DGKB: variants seen among roughly 807,000 people sequenced by gnomAD.
DGKB encodes the protein diacylglycerol kinase beta, also known as 90 kDa diacylglycerol kinase.
A neutral mutation model predicts 114.3 loss-of-function variants in DGKB; 67 were observed. The ratio of observed to expected loss-of-function variants is 0.59; its 90% CI spans 0.48 to 0.72. DGKB has a LOEUF of 0.72. DGKB is among the 30% of genes least tolerant of loss of function. The pLI, the probability that DGKB is intolerant of heterozygous loss-of-function variation, is 0.00. For synonymous variants in DGKB, 398 were observed against 323.1 expected, an observed-to-expected ratio of 1.23 and a Z score of -2.49; for missense variants, 907 against 975.2, an observed-to-expected ratio of 0.93 and a Z score of 0.93.
chr7:14,523,375 T>C (rs1584555339), intron 20 of DGKB, among the ~76,000 whole-genome samples: 2 of 152,302 alleles, frequency 1.3e-5, no homozygotes, highest in Middle Eastern at 6.8e-3. Flanking sequence ...CAATAGCTGG[T>C]ATGAGCCATA....
At chr7:14,245,203 T>C (rs972300610) in intron 23 of DGKB, among the ~76,000 whole-genome samples, 2 of 151,938 alleles carry the variant, frequency 1.3e-5, no homozygotes, top group Non-Finnish European at 2.9e-5. Flanking sequence ...ACACACACTG[T>C]GCTAAACTTT....
chr7:14,656,179 G>T (rs1466988702), intron 13 of DGKB, among the ~76,000 whole-genome samples: 1 of 151,556 alleles, frequency 6.6e-6, no homozygotes, highest in Non-Finnish European at 1.5e-5. Flanking sequence ...TATAGATAAA[G>T]TGAAGGAAAC....
intron 21 of DGKB, among the ~76,000 whole-genome samples, chr7:14,423,870 C>G (rs1320260006): frequency 6.6e-6 from 1 of 152,056 alleles, no homozygotes; most frequent in Non-Finnish European, 1.5e-5. Context: ...TAAATGGTAA[C>G]TCTATTCTTG....
At chr7:14,814,042 T>C (rs866258366) in intron 2 of DGKB, 2 of 152,222 alleles carry the variant, frequency 1.3e-5, no homozygotes, top group Non-Finnish European at 2.9e-5. Context: ...TTTTAGTTTA[T>C]TTTCTAGTTG....
At chr7:14,899,416 A>G (rs1390577825) in intron 1 of DGKB, among the ~76,000 whole-genome samples, 1 of 152,088 alleles carries the variant, frequency 6.6e-6, no homozygotes, top group Non-Finnish European at 1.5e-5. Flanking sequence ...AGATGTTTTG[A>G]GTCTGCACTT....
At chr7:14,454,931 C>G (rs916598808) in intron 21 of DGKB, among the ~76,000 whole-genome samples, 1 of 152,002 alleles carries the variant, frequency 6.6e-6, no homozygotes, top group African/African-American at 2.4e-5. Flanking sequence ...ATGGATGCTA[C>G]TAAATTCTAA....
intron 2 of DGKB, among the ~76,000 whole-genome samples, chr7:14,791,215 T>C: frequency 6.6e-6 from 1 of 152,174 alleles, no homozygotes; most frequent in East Asian, 1.9e-4. Context: ...TAAATGATAT[T>C]GTATTTTGAA....
At chr7:14,261,519 G>C (rs141027305) in intron 23 of DGKB, among the ~76,000 whole-genome samples, 12 of 152,196 alleles carry the variant, frequency 7.9e-5, no homozygotes, top group African/African-American at 2.9e-4. Context: ...AACACCTAAA[G>C]TTGATATTTT....
chr7:14,754,173 A>G (rs1208405208), intron 3 of DGKB, among the ~76,000 whole-genome samples: 1 of 152,142 alleles, frequency 6.6e-6, no homozygotes, highest in African/African-American at 2.4e-5. Context: ...GAAACACTGA[A>G]TCTAAAACTG....
chr7:14,862,323 G>A (rs781122521), intron 1 of DGKB, among the ~76,000 whole-genome samples: 1 of 151,972 alleles, frequency 6.6e-6, no homozygotes, highest in African/African-American at 2.4e-5. Flanking sequence ...GACACTAAAT[G>A]TTACCCTCTT....
At chr7:14,636,256 T>C (rs1055827276) in intron 13 of DGKB, among the ~76,000 whole-genome samples, 3 of 151,792 alleles carry the variant, frequency 2.0e-5, no homozygotes, top group African/African-American at 4.8e-5. Flanking sequence ...TTCTGAGTTA[T>C]AGACTCTTTT....
intron 9 of DGKB, among the ~76,000 whole-genome samples, chr7:14,693,591 T>G (rs1479017066): frequency 2.7e-5 from 4 of 150,554 alleles, no homozygotes; most frequent in Non-Finnish European, 4.4e-5. Context: ...TTAAAGGTAA[T>G]GGCAGAAAAC....
At chr7:14,223,229 C>T (rs921183782) in intron 23 of DGKB, among the ~76,000 whole-genome samples, 2 of 151,482 alleles carry the variant, frequency 1.3e-5, no homozygotes, top group African/African-American at 4.8e-5. Flanking sequence ...CTTTCTTTTG[C>T]ATTTAGTATT....
At chr7:14,212,090 T>TTTTA (rs1554289685) in intron 23 of DGKB, among the ~76,000 whole-genome samples, 1 of 1,598 alleles carries the variant, frequency 6.3e-4, no homozygotes, top group Non-Finnish European at 1.2e-3. Context: ...TGTTTTGTGA[T>TTTTA]TTTACTCTCA....
chr7:14,265,133 G>A lies in DGKB; in HGVS notation c.2122+73382C>T, dbSNP rs1797299873. Among the ~76,000 whole-genome samples the A allele has an allele frequency of 3.5e-5, 4 of 112,886 alleles. No individual in the cohort carries two copies. The South Asian group carries it at 1.3e-3, about 36-fold the overall frequency. 74.1% of individuals were successfully genotyped at this position (112,886 alleles called of 152,430 possible). A position where few individuals can be genotyped will look rare whatever the true frequency, so the allele number is the denominator to read the frequency against. On this transcript the variant is annotated intron_variant, in intron 23 of 25. Transcript: ENST00000402815. ...ATCTTAATCTTCCTGTCTCCAATCC[G>A]GAGATCATTTTTTTTTTTTTCACCT...
chr7:14,914,825 A>G (rs1784161974), intron 1 of DGKB, among the ~76,000 whole-genome samples: 1 of 135,554 alleles, frequency 7.4e-6, no homozygotes, highest in Non-Finnish European at 1.5e-5. Context: ...AAGAATCAAA[A>G]GGAAATGCTA....
chr7:14,925,186 T>G (rs1396117289), intron 1 of DGKB, among the ~76,000 whole-genome samples: 1 of 152,216 alleles, frequency 6.6e-6, no homozygotes, highest in African/African-American at 2.4e-5. Flanking sequence ...GAAGGATACC[T>G]AAGTTTTTTC....
chr7:14,246,625 A>T (rs1181488244), intron 23 of DGKB, among the ~76,000 whole-genome samples: 1 of 152,196 alleles, frequency 6.6e-6, no homozygotes, highest in Non-Finnish European at 1.5e-5. Context: ...AACTTTGGGT[A>T]ACTTTAGCAA....
At chr7:14,704,202 G>A (rs1190779750) in intron 6 of DGKB, among the ~76,000 whole-genome samples, 6 of 151,174 alleles carry the variant, frequency 4.0e-5, no homozygotes, top group African/African-American at 9.7e-5. Context: ...TTGGGAAGCC[G>A]AGGCAGGTGG....
Sources: allele counts gnomAD v4.1 joint callset (sites outside exome capture counted in the v4.1 genomes callset), GRCh38; gene constraint gnomAD v4.1.1; transcripts MANE v1.5; gene names NCBI Gene and HGNC (gene_info 2026-07-23, HGNC 2026-07-21).